The following PDE6A variants were observed in gnomAD, a reference collection of about 807,000 sequenced individuals.
PDE6A encodes rod cGMP-specific 3',5'-cyclic phosphodiesterase subunit alpha.
A neutral mutation model predicts 106.3 loss-of-function variants in PDE6A; 84 were observed. The observed-to-expected ratio is 0.79, with a 90% CI of 0.66 to 0.95. PDE6A has a LOEUF of 0.95. Ranked by LOEUF, PDE6A falls within the 40% of genes least tolerant of loss-of-function variation. PDE6A has a pLI of 0.00. For synonymous variants in PDE6A, 394 were observed against 386.6 expected, an observed-to-expected ratio of 1.02 and a Z score of -0.23; for missense variants, 1,052 against 1,084.9, an observed-to-expected ratio of 0.97 and a Z score of 0.43.
At position 149,860,418 on chromosome 5, in the gene PDE6A, TTAATTAAATG is replaced by T. The variant is rs1166057128; in HGVS notation, c.*467_*476del. 1 of 153,102 alleles carries T rather than the reference TTAATTAAATG, an allele frequency of 6.5e-6. No individual in the cohort carries two copies. The highest frequency in any genetic ancestry group is 1.5e-5 in the Non-Finnish European group (1 of 68,682). The allele number at this position is 153,102 out of a possible 1,614,324, so 9.5% of individuals were successfully genotyped here. A position where few individuals can be genotyped will look rare whatever the true frequency, so the allele number is the denominator to read the frequency against. The stretch of plus-strand genomic sequence containing the variant: ...TCTAAGCAAGCCAGTGAATCTGGCA[TTAATTAAATG>T]TAATTAAATGTTTAACTGATGTCTA... On this transcript the variant is annotated 3_prime_UTR_variant, in exon 22 of 22. Transcript: ENST00000255266.
chr5:149,938,826 T>C (rs919908495), intron 1 of PDE6A, among the ~76,000 whole-genome samples: 12 of 152,034 alleles, frequency 7.9e-5, no homozygotes, highest in African/African-American at 2.7e-4. Flanking sequence ...CCAAGATAAG[T>C]AGGAATTTGG....
rs200858325 is a variant in PDE6A, at chr5:149,903,670, G to A, written c.1091C>T (p.Ala364Val). Residue 364 changes from alanine to valine, a missense_variant, in exon 8 of 22, where the codon GCG (alanine) becomes GTG (valine). This residue lies in a region of PDE6A where 913 missense variants were observed against 915.2 expected (regional missense o/e 1.00). Coordinates refer to ENST00000255266, the MANE Select transcript of PDE6A (RefSeq NM_000440.3). ...GLICNIMNAPAEDFFAFQKEP... is the reference protein window; with the variant it reads ...GLICNIMNAPVEDFFAFQKEP... ...TACCTGAAATGCAAAAAAGTCCTCC[G>A]CAGGCGCATTCATGATGTTGCAAAT... 5.6e-6 allele frequency: 9 copies of A among 1,613,754 alleles called. No homozygotes were observed. The highest frequency in any genetic ancestry group is 2.2e-5 in the South Asian group (2 of 91,074).
chr5:149,909,281 C>T (rs905999317), intron 6 of PDE6A, among the ~76,000 whole-genome samples: 1 of 152,212 alleles, frequency 6.6e-6, no homozygotes, highest in Non-Finnish European at 1.5e-5. Flanking sequence ...CCACCTCAGC[C>T]TCACGTGTAG....
In PDE6A at chr5:149,859,248, A is replaced by G. The variant is rs2113483537; in HGVS notation, c.*1647T>C. 1 of 152,378 alleles carries G rather than the reference A, an allele frequency of 6.6e-6. No homozygotes were observed. Among genetic ancestry groups the G allele is most frequent in the Admixed American group, 6.5e-5 (1 of 15,306 alleles). The allele number at this position is 152,378 out of a possible 1,614,324, so 9.4% of individuals were successfully genotyped here. On this transcript the variant is annotated 3_prime_UTR_variant, in exon 22 of 22. Coordinates refer to ENST00000255266, the MANE Select transcript of PDE6A (RefSeq NM_000440.3). Reference sequence around the variant, plus strand: ...AATGAAAAATCCAAGAATAAAAAGTACATCTTCTTTTTTCTAAAAACCAAC... The same window carrying G: ...AATGAAAAATCCAAGAATAAAAAGTGCATCTTCTTTTTTCTAAAAACCAAC...
chr5:149,907,813 T>C (rs529888707), intron 6 of PDE6A, among the ~76,000 whole-genome samples: 1 of 152,344 alleles, frequency 6.6e-6, no homozygotes, highest in South Asian at 2.1e-4. Context: ...TAATTTTTTG[T>C]ATTATTACTT....
chr5:149,929,466 G>C (rs575898055), intron 4 of PDE6A, among the ~76,000 whole-genome samples: 3 of 152,210 alleles, frequency 2.0e-5, no homozygotes, highest in African/African-American at 7.2e-5. Context: ...AATTAGCCAG[G>C]CATGGTGGTG....
At chr5:149,905,441 CAT>C (rs1166502462) in intron 7 of PDE6A, among the ~76,000 whole-genome samples, 1 of 152,174 alleles carries the variant, frequency 6.6e-6, no homozygotes, top group Non-Finnish European at 1.5e-5. Flanking sequence ...TAAAAAATGT[CAT>C]AGTTTTACCT....
intron 17 of PDE6A, among the ~76,000 whole-genome samples, chr5:149,874,031 A>G (rs947375127): frequency 1.3e-4 from 19 of 151,986 alleles, no homozygotes; most frequent in African/African-American, 4.3e-4. Context: ...AGAAGAAGAA[A>G]AAAGTCAAAG....
intron 10 of PDE6A, among the ~76,000 whole-genome samples, chr5:149,898,085 A>C (rs1752824498): frequency 6.6e-6 from 1 of 152,160 alleles, no homozygotes; most frequent in Non-Finnish European, 1.5e-5. Context: ...TGACCCCAAG[A>C]ATGAGGTGTT....
intron 17 of PDE6A, among the ~76,000 whole-genome samples, chr5:149,881,392 G>A (rs554131432): frequency 2.6e-4 from 40 of 152,224 alleles, no homozygotes; most frequent in African/African-American, 9.4e-4. Context: ...TGTTCCATAC[G>A]TGCCATGGAA....
At chr5:149,869,202 C>T (rs1457891629) in intron 17 of PDE6A, among the ~76,000 whole-genome samples, 3 of 152,074 alleles carry the variant, frequency 2.0e-5, no homozygotes, top group Admixed American at 2.0e-4. Context: ...TGATGGCATG[C>T]ACCTGTGATC....
At chr5:149,883,654 G>T in intron 16 of PDE6A, 118 bp from the exon 17 acceptor site, 1 of 762,388 alleles carries the variant, frequency 1.3e-6, no homozygotes, top group Non-Finnish European at 2.3e-6. Context: ...CACAAAACAA[G>T]GTTGAAAGAG....
intron 17 of PDE6A, among the ~76,000 whole-genome samples, chr5:149,880,961 G>T (rs1426278843): frequency 6.6e-6 from 1 of 152,076 alleles, no homozygotes; most frequent in African/African-American, 2.4e-5. Flanking sequence ...TACTGTGGAG[G>T]CTGAGGCACG....
intron 13 of PDE6A, among the ~76,000 whole-genome samples, chr5:149,887,337 A>G (rs540387836): frequency 6.6e-6 from 1 of 152,340 alleles, no homozygotes; most frequent in African/African-American, 2.4e-5. Flanking sequence ...ACCTCACTGT[A>G]TATGAGGTGC....
intron 7 of PDE6A, among the ~76,000 whole-genome samples, chr5:149,906,519 C>CAAAAAAAATAAAAAAAAAAAAAA (rs1753189327): frequency 1.8e-5 from 1 of 54,204 alleles, no homozygotes; most frequent in African/African-American, 6.2e-5. Flanking sequence ...GAGACACTGT[C>CAAAAAAAATAAAAAAAAAAAAAA]AAAAAAAAAA....
intron 1 of PDE6A, among the ~76,000 whole-genome samples, chr5:149,941,915 C>T (rs893568711): frequency 6.6e-6 from 1 of 151,946 alleles, no homozygotes; most frequent in South Asian, 2.1e-4. Flanking sequence ...TTCACCCAGC[C>T]GATTGGATGG....
At chr5:149,883,623 C>T (rs1318479142) in intron 16 of PDE6A, 87 bp from the exon 17 acceptor site, 3 of 908,872 alleles carry the variant, frequency 3.3e-6, no homozygotes, top group African/African-American at 1.6e-5. Context: ...TCAGATGGAG[C>T]CTTATTAAAT....
Position 149,884,767 on chromosome 5 carries a change from G to GC in PDE6A, c.1926+12dup. 1.9e-6 allele frequency: 3 copies of GC among 1,611,060 alleles called. No homozygotes were observed. Among genetic ancestry groups the GC allele is most frequent in the Non-Finnish European group, 1.7e-6 (2 of 1,177,278 alleles). ...AGGCCCCGCGGCCTGTAGACCCTTGGCCCTCATCCTACCTCGTCTCTGAGC... is the reference window on the plus strand; with the variant it reads ...AGGCCCCGCGGCCTGTAGACCCTTGGCCCCTCATCCTACCTCGTCTCTGAGC... On this transcript the variant is annotated intron_variant, in intron 15 of 21. Coordinates refer to ENST00000255266, the MANE Select transcript of PDE6A (RefSeq NM_000440.3).
intron 17 of PDE6A, among the ~76,000 whole-genome samples, chr5:149,873,705 T>C (rs562572383): frequency 6.6e-6 from 1 of 152,286 alleles, no homozygotes; most frequent in African/African-American, 2.4e-5. Flanking sequence ...TCATGAGCCA[T>C]ACACAAACAC....
Sources: allele counts gnomAD v4.1 joint callset (sites outside exome capture counted in the v4.1 genomes callset), GRCh38; gene constraint gnomAD v4.1.1; regional missense constraint gnomAD v4.1.1; transcripts MANE v1.5; gene names NCBI Gene and HGNC (gene_info 2026-07-23, HGNC 2026-07-21).